KLHL8: variants seen among roughly 807,000 people sequenced by gnomAD.
KLHL8 encodes kelch-like protein 8.
A neutral mutation model predicts 63.5 loss-of-function variants in KLHL8; 38 were observed. The ratio of observed to expected loss-of-function variants is 0.60; its 90% CI spans 0.46 to 0.78. The LOEUF is 0.78. KLHL8 is among the 30% of genes least tolerant of loss of function. The probability of loss-of-function intolerance (pLI) is 0.00; values close to 1 mark genes in which losing one functional copy is unlikely to be tolerated. For synonymous variants in KLHL8, 224 were observed against 254.3 expected (o/e 0.88, Z 1.13); for missense variants, 566 against 752.4 (o/e 0.75, Z 2.90).
chr4:87,226,587 A>C lies in KLHL8; in HGVS notation n.58-5197T>G, dbSNP rs564249946. Among the ~76,000 whole-genome samples, 91 of 84,796 alleles carry C rather than the reference A, an allele frequency of 1.1e-3. 3 individuals are homozygous for C. The highest frequency in any genetic ancestry group is 1.8e-3 in the African/African-American group (37 of 20,136). 55.6% of individuals were successfully genotyped at this position (84,796 alleles called of 152,430 possible). A position where few individuals can be genotyped will look rare whatever the true frequency, so the allele number is the denominator to read the frequency against. ...TCTCTCGCTCTCTCTCTCTCTCTAT[A>C]TATATAAATAATATATATATTATTT... On this transcript the variant is annotated intron_variant and non_coding_transcript_variant, in intron 1 of 1. Transcript: ENST00000506274.
At position 87,170,619 on chromosome 4, in the gene KLHL8, C is replaced by T; in HGVS notation, c.1209-4G>A. ...GGAAGCCAAGGCAATTCCTCGCCTG[C>T]AAAGACAATAAAACATACTTTAGCA... On this transcript the variant is annotated splice_polypyrimidine_tract_variant and splice_region_variant and intron_variant, in intron 6 of 9. Transcript: ENST00000273963. The T allele has an allele frequency of 6.2e-7, 1 of 1,601,222 alleles. No individual in the cohort carries two copies.
Position 87,170,570 on chromosome 4 carries a change from A to G in KLHL8, c.1254T>C (p.Ile418=). The G allele has an allele frequency of 1.2e-6, 2 of 1,613,790 alleles. No individual in the cohort carries two copies. The highest frequency in any genetic ancestry group is 1.7e-6 in the Non-Finnish European group (2 of 1,179,878). The change falls in exon 7 of 10, where the codon ATT becomes ATC. Residue 418 remains isoleucine (I), a synonymous_variant. Coordinates refer to ENST00000273963, the MANE Select transcript of KLHL8 (RefSeq NM_020803.5). ...AGCAAGTATTGTCATCTAACCCTCC[A>G]ATTGCATAAATTGGGCCTCCTAAGG... is the stretch of plus-strand genomic sequence containing the variant. ...LASLGGPIYA[I]GGLDDNTCFN...
chr4:87,173,014 C>G (rs1730690520), intron 6 of KLHL8, among the ~76,000 whole-genome samples: 1 of 152,140 alleles, frequency 6.6e-6, no homozygotes, highest in African/African-American at 2.4e-5. Flanking sequence ...TCAACCTTTA[C>G]TTACTCTTTC....
In KLHL8 at chr4:87,160,866, G is replaced by A. The variant is rs1321821224; in HGVS notation, c.*2653C>T. ...TGCTGTTAACATATGAGGTTAAAGT[G>A]GTAAGTCTCACAATAAAGTAGCCAT... On this transcript the variant is annotated 3_prime_UTR_variant, in exon 10 of 10. Transcript: ENST00000273963. The A allele has an allele frequency of 2.0e-5, 3 of 151,998 alleles. No homozygotes were observed. The highest frequency in any genetic ancestry group is 7.2e-5 in the African/African-American group (3 of 41,394). The allele number at this position is 151,998 out of a possible 1,614,324, so 9.4% of individuals were successfully genotyped here.
chr4:87,226,374 C>G (rs1170399414), intron 1 of KLHL8, among the ~76,000 whole-genome samples: 1 of 151,482 alleles, frequency 6.6e-6, no homozygotes, highest in East Asian at 1.9e-4. Context: ...ACCAGCCTAG[C>G]CAACATGGTG....
At chr4:87,210,799 T>C (rs1381267064) in intron 1 of KLHL8, among the ~76,000 whole-genome samples, 4 of 152,204 alleles carry the variant, frequency 2.6e-5, no homozygotes, top group African/African-American at 7.2e-5. Context: ...CACCCCTCTC[T>C]CCTGCTAACT....
upstream of KLHL8, among the ~76,000 whole-genome samples, chr4:87,222,194 C>T (rs931309779): frequency 1.3e-5 from 2 of 152,214 alleles, no homozygotes; most frequent in Admixed American, 6.5e-5. Flanking sequence ...GGAAGAAAGA[C>T]TGAAGTCTGT....
rs142491931 is a variant in KLHL8, at chr4:87,206,942, G to A, written c.-151-11252C>T. ...TCTATGTATTTGCCGACAATGAGCC[G>A]GAGTCATGAGTGACTGAATTAACAC... On this transcript the variant is annotated intron_variant, in intron 1 of 9. Coordinates refer to ENST00000273963, the MANE Select transcript of KLHL8 (RefSeq NM_020803.5). 575 of 234,466 alleles carry A rather than the reference G, an allele frequency of 2.5e-3. 1 individual carries two copies. Among genetic ancestry groups the A allele is most frequent in the African/African-American group, 0.012 (527 of 42,932 alleles). The allele number at this position is 234,466 out of a possible 1,614,324, so 14.5% of individuals were successfully genotyped here. A position where few individuals can be genotyped will look rare whatever the true frequency, so the allele number is the denominator to read the frequency against.
At chr4:87,170,019 TGTTATATG>T in intron 8 of KLHL8, 52 bp downstream of exon 8, 1 of 1,320,226 alleles carries the variant, frequency 7.6e-7, no homozygotes, top group Non-Finnish European at 1.1e-6. Flanking sequence ...TTTGTTACTC[TGTTATATG>T]ACACTTGTCA....
At chr4:87,228,786 T>C (rs939312310) in intron 1 of KLHL8, among the ~76,000 whole-genome samples, 1 of 152,214 alleles carries the variant, frequency 6.6e-6, no homozygotes, top group Non-Finnish European at 1.5e-5. Context: ...ACTTTGACCA[T>C]TTTTCATGGA....
At chr4:87,203,438 G>T (rs1443395925) in intron 1 of KLHL8, among the ~76,000 whole-genome samples, 1 of 151,582 alleles carries the variant, frequency 6.6e-6, no homozygotes, top group African/African-American at 2.4e-5. Flanking sequence ...GCTGAGGCAG[G>T]AGAATGGCGT....
At chr4:87,180,159 C>G (rs1356528230) in intron 4 of KLHL8, among the ~76,000 whole-genome samples, 1 of 152,206 alleles carries the variant, frequency 6.6e-6, no homozygotes, top group Non-Finnish European at 1.5e-5. Flanking sequence ...TAGTACACAT[C>G]TTTGGTGTTC....
intron 1 of KLHL8, among the ~76,000 whole-genome samples, chr4:87,199,729 A>T (rs1471288240): frequency 6.6e-6 from 1 of 152,058 alleles, no homozygotes; most frequent in African/African-American, 2.4e-5. Context: ...TGGCTGGTGA[A>T]TGACTGTAGT....
intron 2 of KLHL8, among the ~76,000 whole-genome samples, chr4:87,194,124 G>A (rs1731599824): frequency 6.6e-6 from 1 of 152,154 alleles, no homozygotes; most frequent in Admixed American, 6.5e-5. Context: ...AATATTAAGA[G>A]GGGGAACCTT....
intron 1 of KLHL8, among the ~76,000 whole-genome samples, chr4:87,205,895 C>T (rs1296248041): frequency 6.6e-6 from 1 of 152,188 alleles, no homozygotes; most frequent in Non-Finnish European, 1.5e-5. Flanking sequence ...CAGGGCTCCC[C>T]AGCCTGTGCT....
At chr4:87,214,323 GTTTCCTC>G (rs1209888457) in intron 1 of KLHL8, among the ~76,000 whole-genome samples, 2 of 147,742 alleles carry the variant, frequency 1.4e-5, no homozygotes, top group Non-Finnish European at 1.5e-5. Context: ...ATTAGCTTTA[GTTTCCTC>G]ATCTGTAAAA....
chr4:87,186,481 CTTTT>C (rs753634845), intron 2 of KLHL8, among the ~76,000 whole-genome samples: 1 of 134,614 alleles, frequency 7.4e-6, no homozygotes. Flanking sequence ...ATTGTAAGTG[CTTTT>C]TTTTTTTTTT....
chr4:87,180,144 G>T (rs1730994921), intron 4 of KLHL8, among the ~76,000 whole-genome samples: 1 of 152,144 alleles, frequency 6.6e-6, no homozygotes, highest in Admixed American at 6.5e-5. Flanking sequence ...CTGCAACTAT[G>T]CATATAGTAC....
At position 87,160,179 on chromosome 4, in the gene KLHL8, T is replaced by C. The variant is rs1205652803; in HGVS notation, c.*3340A>G. 6.6e-6 allele frequency: 1 copy of C among 152,284 alleles called. No homozygotes were observed. Among genetic ancestry groups the C allele is most frequent in the Admixed American group, 6.5e-5 (1 of 15,302 alleles). The allele number at this position is 152,284 out of a possible 1,614,324, so 9.4% of individuals were successfully genotyped here. A position where few individuals can be genotyped will look rare whatever the true frequency, so the allele number is the denominator to read the frequency against. ...TGTGACCCCAACTTTTTGATATCCA[T>C]AGTTGGTGATATATATGACCACTTA... On this transcript the variant is annotated 3_prime_UTR_variant, in exon 10 of 10. Transcript: ENST00000273963.
Sources: allele counts gnomAD v4.1 joint callset (sites outside exome capture counted in the v4.1 genomes callset), GRCh38; gene constraint gnomAD v4.1.1; transcripts MANE v1.5; gene names NCBI Gene and HGNC (gene_info 2026-07-23, HGNC 2026-07-21).